SNTG2: variants seen among roughly 807,000 people sequenced by gnomAD.
SNTG2 encodes syntrophin gamma 2.
SNTG2 carries 74 observed loss-of-function variants against 70.9 expected under a neutral mutation model. That is an observed-to-expected ratio of 1.04 (90% CI 0.86 to 1.27). The LOEUF (loss-of-function observed/expected upper bound fraction) is 1.27, where lower values mean the gene tolerates loss of function less well. Among genes scored for constraint, SNTG2 ranks in the 50% most tolerant of loss-of-function variants. The probability of loss-of-function intolerance (pLI) is 0.00; values close to 1 mark genes in which losing one functional copy is unlikely to be tolerated. For missense variants in SNTG2, 717 were observed against 690.7 expected (o/e 1.04, Z -0.43); for synonymous variants, 278 against 273.8 (o/e 1.02, Z -0.15).
intron 1 of SNTG2, among the ~76,000 whole-genome samples, chr2:1,059,968 T>C (rs1437067780): frequency 6.6e-6 from 1 of 152,114 alleles, no homozygotes; most frequent in East Asian, 1.9e-4. Flanking sequence ...AAAAGTGGCA[T>C]GGCAGATCAC....
At chr2:1,275,739 C>T (rs1679240900) in intron 14 of SNTG2, among the ~76,000 whole-genome samples, 1 of 152,152 alleles carries the variant, frequency 6.6e-6, no homozygotes, top group Non-Finnish European at 1.5e-5. Context: ...AAATCAAAAG[C>T]TAGAAATGAT....
At chr2:1,009,562 G>A (rs1195633301) in intron 1 of SNTG2, among the ~76,000 whole-genome samples, 1 of 145,034 alleles carries the variant, frequency 6.9e-6, no homozygotes, top group Non-Finnish European at 1.5e-5. Flanking sequence ...TTCTGATACT[G>A]GTGTGGGTTG....
chr2:1,312,151 G>A lies in SNTG2; in HGVS notation c.1377+3565G>A, dbSNP rs140659885. On this transcript the variant is annotated intron_variant, in intron 15 of 16. Coordinates refer to ENST00000308624, the MANE Select transcript of SNTG2 (RefSeq NM_018968.4). ...GTGTTTGACCATGAAAATATTTTCT[G>A]CACTTACAAAATAAATGAGAAGACC... Among the ~76,000 whole-genome samples the A allele has an allele frequency of 4.1e-3, 622 of 152,224 alleles. 5 individuals are homozygous for A. Among genetic ancestry groups the A allele is most frequent in the African/African-American group, 0.014 (581 of 41,552 alleles).
chr2:1,321,043 A>G (rs1681497711), intron 16 of SNTG2, among the ~76,000 whole-genome samples: 1 of 152,356 alleles, frequency 6.6e-6, no homozygotes, highest in African/African-American at 2.4e-5. Flanking sequence ...ATGAAGAAGG[A>G]GCAAATTATT....
chr2:1,349,350 G>A (rs1021378224), intron 16 of SNTG2, among the ~76,000 whole-genome samples: 1 of 152,212 alleles, frequency 6.6e-6, no homozygotes, highest in Admixed American at 6.5e-5. Flanking sequence ...ATGAGCACCA[G>A]CTACATGACT....
chr2:1,332,145 A>G (rs547520433), intron 16 of SNTG2, among the ~76,000 whole-genome samples: 86 of 152,342 alleles, frequency 5.6e-4, no homozygotes, highest in African/African-American at 2.0e-3. Flanking sequence ...ACATATGTCA[A>G]AAATTTACTA....
chr2:1,306,546 G>C (rs9752500), intron 14 of SNTG2, among the ~76,000 whole-genome samples: 18 of 152,208 alleles, frequency 1.2e-4, no homozygotes, highest in African/African-American at 1.7e-4. Context: ...CAGCAGGAGC[G>C]GGGGGACAGT....
chr2:1,045,228 T>C (rs1031156906), intron 1 of SNTG2, among the ~76,000 whole-genome samples: 4 of 152,062 alleles, frequency 2.6e-5, no homozygotes, highest in Non-Finnish European at 5.9e-5. Context: ...TCTGTGGAGA[T>C]AGTGGTAATG....
At chr2:1,015,086 G>A (rs983359023) in intron 1 of SNTG2, among the ~76,000 whole-genome samples, 4 of 152,110 alleles carry the variant, frequency 2.6e-5, no homozygotes, top group Non-Finnish European at 5.9e-5. Flanking sequence ...GACGCAGGCG[G>A]GAAACCTTGG....
At chr2:958,693 T>C (rs1227246479) in intron 1 of SNTG2, among the ~76,000 whole-genome samples, 2 of 151,902 alleles carry the variant, frequency 1.3e-5, no homozygotes, top group Non-Finnish European at 2.9e-5. Context: ...TAAATGGTCT[T>C]TTTTTTTAAA....
intron 1 of SNTG2, among the ~76,000 whole-genome samples, chr2:1,035,400 T>C (rs939471459): frequency 3.3e-5 from 5 of 152,196 alleles, no homozygotes; most frequent in Non-Finnish European, 4.4e-5. Flanking sequence ...TATTATAAAA[T>C]GTATTGAGGG....
intron 16 of SNTG2, among the ~76,000 whole-genome samples, chr2:1,360,438 C>T (rs1661074986): frequency 6.6e-6 from 1 of 152,118 alleles, no homozygotes; most frequent in African/African-American, 2.4e-5. Context: ...TGTGTTCCTT[C>T]CAGCAGCACA....
intron 14 of SNTG2, among the ~76,000 whole-genome samples, chr2:1,292,111 T>G (rs75597596): frequency 6.6e-6 from 1 of 152,324 alleles, no homozygotes; most frequent in African/African-American, 2.4e-5. Context: ...AATGAGATTG[T>G]TTTCTCAATA....
At chr2:1,279,138 A>G (rs1021089939) in intron 14 of SNTG2, among the ~76,000 whole-genome samples, 1 of 151,650 alleles carries the variant, frequency 6.6e-6, no homozygotes, top group Non-Finnish European at 1.5e-5. Context: ...CAGTGCGCGA[A>G]TCACCCCTCT....
At chr2:1,027,206 G>T (rs761930928) in intron 1 of SNTG2, among the ~76,000 whole-genome samples, 4 of 152,190 alleles carry the variant, frequency 2.6e-5, no homozygotes, top group Non-Finnish European at 5.9e-5. Context: ...ATGCTCCCGG[G>T]CCCACAGTGC....
intron 1 of SNTG2, among the ~76,000 whole-genome samples, chr2:1,083,183 A>AT (rs58011801): frequency 0.58 from 81,736 of 142,072 alleles, 22,874 homozygotes; most frequent in Admixed American, 0.64. Context: ...AAACTAAAAA[A>AT]ATATATATAT....
intron 4 of SNTG2, among the ~76,000 whole-genome samples, chr2:1,132,225 ATATATGTG>A (rs1668067439): frequency 7.8e-6 from 1 of 128,248 alleles, no homozygotes; most frequent in South Asian, 2.6e-4. Flanking sequence ...ATATATGTGT[ATATATGTG>A]TGTGTATATA....
At chr2:1,179,445 A>G (rs1395952684) in intron 8 of SNTG2, among the ~76,000 whole-genome samples, 3 of 152,200 alleles carry the variant, frequency 2.0e-5, no homozygotes, top group Admixed American at 6.5e-5. Flanking sequence ...GAGCCAAATC[A>G]TGAGTGAACT....
chr2:1,100,591 A>G (rs1004196015), intron 4 of SNTG2, among the ~76,000 whole-genome samples: 5 of 152,268 alleles, frequency 3.3e-5, no homozygotes, highest in Admixed American at 3.3e-4. Flanking sequence ...ATAAAGTGGG[A>G]TTCCACACGG....
Sources: gnomAD v4.1 joint callset for allele counts (sites outside exome capture counted in the v4.1 genomes callset) on GRCh38, gnomAD v4.1.1 for gene constraint, MANE v1.5 for transcripts, NCBI Gene and HGNC (gene_info 2026-07-23, HGNC 2026-07-21) for gene names.